Variants in CADPS observed in about 807,000 individuals in gnomAD.
CADPS encodes calcium dependent secretion activator, also known as calcium-dependent secretion activator 1.
Under a neutral mutation model 167.3 loss-of-function variants are expected in CADPS, and 57 were observed. The ratio of observed to expected loss-of-function variants is 0.34; its 90% CI spans 0.28 to 0.42. The LOEUF is 0.42. Ranked by LOEUF, CADPS falls within the 20% of genes least tolerant of loss-of-function variation. The pLI, the probability that CADPS is intolerant of heterozygous loss-of-function variation, is 1.00. For synonymous variants in CADPS, 676 were observed against 635.3 expected (o/e 1.06, Z -0.96); for missense variants, 1,414 against 1,738.1 (o/e 0.81, Z 3.32).
intron 27 of CADPS, 136 bp downstream of exon 27, chr3:62,445,629 C>G: frequency 1.9e-6 from 1 of 519,512 alleles, no homozygotes; most frequent in Non-Finnish European, 3.2e-6. Flanking sequence ...TCTGATGATC[C>G]AAGTCAGCAA....
intron 3 of CADPS, among the ~76,000 whole-genome samples, chr3:62,720,812 GTT>G (rs563508603): frequency 0.079 from 10,698 of 135,902 alleles, 364 homozygotes; most frequent in South Asian, 0.16. Flanking sequence ...TATATTGTTA[GTT>G]TTTTTTTTTT....
chr3:62,769,817 T>C (rs2088068730), intron 1 of CADPS, among the ~76,000 whole-genome samples: 1 of 152,166 alleles, frequency 6.6e-6, no homozygotes, highest in African/African-American at 2.4e-5. Context: ...GTCCTGGTGA[T>C]ACCACTCACT....
At chr3:62,545,764 C>T (rs2076358182) in intron 11 of CADPS, among the ~76,000 whole-genome samples, 1 of 152,124 alleles carries the variant, frequency 6.6e-6, no homozygotes, top group Non-Finnish European at 1.5e-5. Flanking sequence ...CACAATTACT[C>T]CCAAGTTTTC....
At chr3:62,840,657 A>C (rs1471083042) in intron 1 of CADPS, among the ~76,000 whole-genome samples, 1 of 152,216 alleles carries the variant, frequency 6.6e-6, no homozygotes. Context: ...CAATTTAGTC[A>C]AAAGCCTGAG....
At chr3:62,630,740 T>C (rs2065120029) in intron 6 of CADPS, among the ~76,000 whole-genome samples, 1 of 152,154 alleles carries the variant, frequency 6.6e-6, no homozygotes, top group Admixed American at 6.5e-5. Context: ...TATGTACCTG[T>C]GATTTGTACT....
At chr3:62,426,258 C>T (rs971381375) in intron 28 of CADPS, among the ~76,000 whole-genome samples, 1 of 152,186 alleles carries the variant, frequency 6.6e-6, no homozygotes, top group Non-Finnish European at 1.5e-5. Context: ...TCAAGCAATT[C>T]TCCTGCTTCA....
At chr3:62,794,840 T>G (rs2093279834) in intron 1 of CADPS, among the ~76,000 whole-genome samples, 1 of 149,630 alleles carries the variant, frequency 6.7e-6, no homozygotes, top group African/African-American at 2.5e-5. Context: ...CTGGTCTCAG[T>G]AGTCTAGGTA....
intron 10 of CADPS, 66 bp from the exon 11 acceptor site, chr3:62,550,181 T>A: frequency 1.5e-6 from 2 of 1,317,530 alleles, no homozygotes; most frequent in Non-Finnish European, 2.2e-6. Context: ...GGACTCAGCC[T>A]TTGAAAAAGC....
chr3:62,537,420 A>G (rs2074902726), intron 11 of CADPS, among the ~76,000 whole-genome samples: 1 of 152,284 alleles, frequency 6.6e-6, no homozygotes, highest in Admixed American at 6.5e-5. Context: ...CAACAGGCAA[A>G]ATAACTCAGA....
chr3:62,687,444 G>A (rs528504055), intron 3 of CADPS, among the ~76,000 whole-genome samples: 5 of 152,148 alleles, frequency 3.3e-5, no homozygotes, highest in South Asian at 2.1e-4. Context: ...TTGAGTGAAC[G>A]TTAATAAGAC....
At chr3:62,621,375 G>T (rs148879339) in intron 6 of CADPS, among the ~76,000 whole-genome samples, 1 of 152,056 alleles carries the variant, frequency 6.6e-6, no homozygotes, top group Non-Finnish European at 1.5e-5. Flanking sequence ...GGAATGTTTA[G>T]TGGGTTGGCA....
intron 21 of CADPS, among the ~76,000 whole-genome samples, chr3:62,487,416 C>T (rs962702832): frequency 6.6e-6 from 1 of 152,322 alleles, no homozygotes; most frequent in Non-Finnish European, 1.5e-5. Context: ...GGGCAACCTG[C>T]CCAACTGTGA....
At chr3:62,617,952 T>C (rs1301570425) in intron 6 of CADPS, among the ~76,000 whole-genome samples, 1 of 152,156 alleles carries the variant, frequency 6.6e-6, no homozygotes, top group Non-Finnish European at 1.5e-5. Context: ...GGACTACCTC[T>C]CCTTGAACTT....
intron 24 of CADPS, among the ~76,000 whole-genome samples, chr3:62,470,269 C>A (rs2060431470): frequency 1.3e-5 from 2 of 152,182 alleles, no homozygotes. Flanking sequence ...AGTATCTAAT[C>A]TAAAGCAGGT....
Position 62,865,385 on chromosome 3 carries a change from T to TAAA in CADPS, c.441+9201_441+9203dup, listed in dbSNP as rs35780515. ...ATGTGCTCCTGGAACACTTAAGGAT[T>TAAA]AAAAAAAAAAAAAAAAAAAAAAAAG... On this transcript the variant is annotated intron_variant, in intron 1 of 29. Coordinates refer to ENST00000383710, the MANE Select transcript of CADPS (RefSeq NM_003716.4). Among the ~76,000 whole-genome samples the TAAA allele has an allele frequency of 7.5e-3, 830 of 110,090 alleles. 11 individuals are homozygous for TAAA. Among genetic ancestry groups the TAAA allele is most frequent in the African/African-American group, 0.026 (761 of 29,732 alleles). 72.2% of individuals were successfully genotyped at this position (110,090 alleles called of 152,430 possible). A position where few individuals can be genotyped will look rare whatever the true frequency, so the allele number is the denominator to read the frequency against.
chr3:62,492,523 C>T, intron 19 of CADPS, 77 bp from the exon 20 acceptor site: 2 of 1,384,192 alleles, frequency 1.4e-6, no homozygotes, highest in African/African-American at 2.9e-5. Flanking sequence ...GAATTCCAGC[C>T]CTCACTGTTC....
intron 1 of CADPS, among the ~76,000 whole-genome samples, chr3:62,828,894 T>G (rs767463714): frequency 6.6e-5 from 10 of 152,172 alleles, no homozygotes; most frequent in Non-Finnish European, 1.0e-4. Flanking sequence ...TTTGGTTTTC[T>G]TTAGTGGACA....
In CADPS at chr3:62,508,763, A is replaced by C. The variant is rs76105684; in HGVS notation, c.2599+3988T>G. Among the ~76,000 whole-genome samples, 13 of 152,334 alleles carry C rather than the reference A, an allele frequency of 8.5e-5. 1 individual carries two copies. In the East Asian group the frequency reaches 2.5e-3, roughly 29 times the overall value. On this transcript the variant is annotated intron_variant, in intron 17 of 29. Transcript: ENST00000383710. ...AGCACATACTAAATTCTCAATAAAC[A>C]ACAATTTTTATCATAATCTGCAGCA...
intron 4 of CADPS, among the ~76,000 whole-genome samples, chr3:62,653,368 G>C (rs1422049431): frequency 6.6e-6 from 1 of 152,126 alleles, no homozygotes; most frequent in East Asian, 1.9e-4. Context: ...CTATGAACCA[G>C]AAAGTGGGCC....
Sources: allele counts gnomAD v4.1 joint callset (sites outside exome capture counted in the v4.1 genomes callset), GRCh38; gene constraint gnomAD v4.1.1; transcripts MANE v1.5; gene names NCBI Gene and HGNC (gene_info 2026-07-23, HGNC 2026-07-21).